Variants in ASAP1 observed in about 807,000 individuals in gnomAD.
ASAP1 encodes ArfGAP with SH3 domain, ankyrin repeat and PH domain 1.
Under a neutral mutation model 145.2 loss-of-function variants are expected in ASAP1, and 43 were observed. The observed-to-expected ratio is 0.30, with a 90% confidence interval of 0.23 to 0.38. ASAP1 has a LOEUF of 0.38. ASAP1 is among the 10% of genes least tolerant of loss of function. The pLI is 1.00. For synonymous variants in ASAP1, 546 were observed against 515.5 expected (o/e 1.06, Z -0.80); for missense variants, 1,018 against 1,355.3 (o/e 0.75, Z 3.91).
intron 3 of ASAP1, among the ~76,000 whole-genome samples, chr8:130,285,029 T>G (rs1278437870): frequency 2.0e-5 from 3 of 152,062 alleles, no homozygotes; most frequent in African/African-American, 7.2e-5. Flanking sequence ...CCTAAGAAAG[T>G]AAAGGCCAGT....
In ASAP1 at chr8:130,080,470, TTC is replaced by T. The variant is rs757219224; in HGVS notation, c.2573-501_2573-500del. Among the ~76,000 whole-genome samples, 263 of 108,110 alleles carry T rather than the reference TTC, an allele frequency of 2.4e-3. 5 individuals are homozygous for T. The highest frequency in any genetic ancestry group is 9.8e-3 in the Middle Eastern group (2 of 204). 70.9% of individuals were successfully genotyped at this position (108,110 alleles called of 152,430 possible). On this transcript the variant is annotated intron_variant, in intron 25 of 29. Coordinates refer to ENST00000518721, the MANE Select transcript of ASAP1 (RefSeq NM_018482.4). ...CAGGCACTTACTGACTCGTCATTCA[TTC>T]TCTCTCTTTTTTTTTTTTTTTTTGA...
intron 1 of ASAP1, among the ~76,000 whole-genome samples, chr8:130,439,524 T>C (rs1256775069): frequency 6.6e-6 from 1 of 152,142 alleles, no homozygotes; most frequent in African/African-American, 2.4e-5. Context: ...ACCCTTACTG[T>C]GAGCACTTAT....
chr8:130,430,932 A>T (rs1565310699), intron 1 of ASAP1, among the ~76,000 whole-genome samples: 1 of 152,130 alleles, frequency 6.6e-6, no homozygotes, highest in Non-Finnish European at 1.5e-5. Context: ...CTGTGGGAGG[A>T]GAAGACCGGA....
chr8:130,341,333 A>C (rs1825368898), intron 3 of ASAP1, among the ~76,000 whole-genome samples: 4 of 152,184 alleles, frequency 2.6e-5, no homozygotes, highest in Admixed American at 2.6e-4. Flanking sequence ...CACAGTGTCT[A>C]AGCGCTTGAG....
At chr8:130,174,825 T>G (rs1385725338) in intron 9 of ASAP1, among the ~76,000 whole-genome samples, 1 of 152,234 alleles carries the variant, frequency 6.6e-6, no homozygotes, top group Non-Finnish European at 1.5e-5. Flanking sequence ...GTATCAATAT[T>G]TCATTCACAT....
At chr8:130,135,247 T>G (rs2097591773) in intron 14 of ASAP1, among the ~76,000 whole-genome samples, 1 of 152,066 alleles carries the variant, frequency 6.6e-6, no homozygotes, top group Admixed American at 6.5e-5. Flanking sequence ...TCCTAACACT[T>G]TGGGAGGTTG....
intron 3 of ASAP1, among the ~76,000 whole-genome samples, chr8:130,263,932 C>T (rs1050038509): frequency 3.3e-5 from 5 of 152,096 alleles, no homozygotes; most frequent in African/African-American, 1.2e-4. Context: ...TAATGACAGG[C>T]CAATGACTCA....
At chr8:130,406,648 A>AT (rs2138610874) in intron 1 of ASAP1, among the ~76,000 whole-genome samples, 1 of 151,916 alleles carries the variant, frequency 6.6e-6, no homozygotes, top group East Asian at 1.9e-4. Flanking sequence ...TGCCCAGCTA[A>AT]TTTTTTGTAT....
At chr8:130,217,976 T>C (rs1253783266) in intron 4 of ASAP1, among the ~76,000 whole-genome samples, 1 of 152,126 alleles carries the variant, frequency 6.6e-6, no homozygotes, top group African/African-American at 2.4e-5. Flanking sequence ...TAAAAATTCA[T>C]GGTGCCTGCA....
In ASAP1 at chr8:130,180,900, C is replaced by A; in HGVS notation, c.531-20G>T. The stretch of plus-strand genomic sequence containing the variant: ...TTTGTACTGTAATTAAAGCCAATGT[C>A]ATTATTTAAAAAAAAAAAATACACT... On this transcript the variant is annotated intron_variant, in intron 7 of 29. Transcript: ENST00000518721. The A allele has an allele frequency of 3.3e-6, 5 of 1,513,794 alleles. No individual in the cohort carries two copies. Among genetic ancestry groups the A allele is most frequent in the South Asian group, 2.4e-5 (2 of 82,614 alleles). The allele number at this position is 1,513,794 out of a possible 1,614,324, so 93.8% of individuals were successfully genotyped here. A position where few individuals can be genotyped will look rare whatever the true frequency, so the allele number is the denominator to read the frequency against.
intron 3 of ASAP1, among the ~76,000 whole-genome samples, chr8:130,256,739 T>TTATATATATATATA (rs58245112): frequency 2.5e-4 from 24 of 95,880 alleles, no homozygotes; most frequent in African/African-American, 4.0e-4. Context: ...ATACACATTC[T>TTATATATATATATA]TATATATATA....
In ASAP1 at chr8:130,088,184, G is replaced by A. The variant is rs554889276; in HGVS notation, c.2572+3789C>T. Among the ~76,000 whole-genome samples, 3 of 152,270 alleles carry A rather than the reference G, an allele frequency of 2.0e-5. No homozygotes were observed. The South Asian group carries it at 6.2e-4, about 32-fold the overall frequency. Reference sequence around the variant, plus strand: ...TCGCTCTTGTTGCACAGGCTGGGGTGCAATGGTGCAATCTCGGCTCACCAC... The same window carrying A: ...TCGCTCTTGTTGCACAGGCTGGGGTACAATGGTGCAATCTCGGCTCACCAC... On this transcript the variant is annotated intron_variant, in intron 25 of 29. Coordinates refer to ENST00000518721, the MANE Select transcript of ASAP1 (RefSeq NM_018482.4).
intron 11 of ASAP1, among the ~76,000 whole-genome samples, chr8:130,167,082 T>C (rs2097681401): frequency 6.6e-6 from 1 of 152,076 alleles, no homozygotes; most frequent in African/African-American, 2.4e-5. Context: ...GGTGGGAGAA[T>C]TGCTTGAGTC....
intron 2 of ASAP1, among the ~76,000 whole-genome samples, chr8:130,400,790 C>CAA (rs112753204): frequency 2.0e-3 from 204 of 102,964 alleles, no homozygotes; most frequent in Middle Eastern, 5.6e-3. Flanking sequence ...GACTCCGTCT[C>CAA]AAAAAAAAAA....
intron 25 of ASAP1, among the ~76,000 whole-genome samples, chr8:130,085,152 T>C (rs1009024885): frequency 1.3e-5 from 2 of 152,024 alleles, no homozygotes; most frequent in Non-Finnish European, 2.9e-5. Flanking sequence ...AGGGGGGAAA[T>C]TGTTATTAGG....
chr8:130,424,957 C>T (rs180964202), intron 1 of ASAP1, among the ~76,000 whole-genome samples: 80 of 146,868 alleles, frequency 5.4e-4, no homozygotes, highest in African/African-American at 1.8e-3. Flanking sequence ...CTCACCACTG[C>T]ACTCCAGCCT....
intron 13 of ASAP1, 200 bp downstream of exon 13, chr8:130,152,536 C>G: frequency 2.6e-6 from 1 of 386,896 alleles, no homozygotes; most frequent in Non-Finnish European, 4.6e-6. Context: ...AGCAAAAAAA[C>G]AAGTTTCTAG....
intron 26 of ASAP1, 26 bp from the exon 27 acceptor site, chr8:130,076,432 G>A: frequency 6.5e-7 from 1 of 1,542,068 alleles, no homozygotes; most frequent in Non-Finnish European, 8.9e-7. Flanking sequence ...GAATCATTTA[G>A]GATCTAAAAG....
chr8:130,352,771 T>C (rs1826076505), intron 3 of ASAP1, among the ~76,000 whole-genome samples: 1 of 152,212 alleles, frequency 6.6e-6, no homozygotes, highest in Non-Finnish European at 1.5e-5. Flanking sequence ...AGGGTTTGCA[T>C]GTAGTAGGAA....
Sources: allele counts gnomAD v4.1 joint callset (sites outside exome capture counted in the v4.1 genomes callset), GRCh38; gene constraint gnomAD v4.1.1; transcripts MANE v1.5; gene names NCBI Gene and HGNC (gene_info 2026-07-23, HGNC 2026-07-21).